Variants in FGD5 observed in about 807,000 individuals in gnomAD.
FGD5 encodes the protein FYVE, RhoGEF and PH domain containing 5.
A neutral mutation model predicts 133.4 loss-of-function variants in FGD5; 28 were observed. The ratio of observed to expected loss-of-function variants is 0.21; its 90% CI spans 0.16 to 0.29. The LOEUF is 0.29. Among genes scored for constraint, FGD5 ranks in the 10% least tolerant of loss-of-function variants. The pLI is 1.00. For missense variants in FGD5, 1,858 were observed against 1,895.2 expected, an observed-to-expected ratio of 0.98 and a Z score of 0.36; for synonymous variants, 810 against 776.5, an observed-to-expected ratio of 1.04 and a Z score of -0.72.
chr3:14,922,976 G>T lies in FGD5; in HGVS notation c.3808-70G>T, dbSNP rs377086261. On this transcript the variant is annotated intron_variant, in intron 15 of 19. Coordinates refer to ENST00000285046, the MANE Select transcript of FGD5 (RefSeq NM_152536.4). The surrounding 1 kb of genome is among the most constrained non-coding windows in gnomAD (Gnocchi z 4.1). The stretch of plus-strand genomic sequence containing the variant: ...TTGTGGGTGGATTAGCAGAGGGAGC[G>T]GAGGGGAGGGGTGCAGGTCTCCTTT... 10 of 1,603,252 alleles carry T rather than the reference G, an allele frequency of 6.2e-6. No homozygotes were observed. The highest frequency in any genetic ancestry group is 7.7e-6 in the Non-Finnish European group (9 of 1,172,590).
At chr3:14,848,511 C>G (rs1348979112) in intron 1 of FGD5, among the ~76,000 whole-genome samples, 2 of 152,072 alleles carry the variant, frequency 1.3e-5, no homozygotes, top group Non-Finnish European at 2.9e-5. Context: ...AAGGCCAGGC[C>G]AGCCCCATGC....
upstream of FGD5, chr3:14,810,777 G>A: frequency 1.0e-6 from 1 of 981,118 alleles, no homozygotes; most frequent in Non-Finnish European, 1.2e-6. Flanking sequence ...CGCGGAGGGA[G>A]GCGGTGTGCG....
At chr3:14,857,254 A>T (rs911716414) in intron 1 of FGD5, among the ~76,000 whole-genome samples, 12 of 151,866 alleles carry the variant, frequency 7.9e-5, no homozygotes, top group African/African-American at 2.9e-4. Context: ...AGGCTCAAGC[A>T]ATTCTCCTGC....
intron 1 of FGD5, among the ~76,000 whole-genome samples, chr3:14,839,788 C>T (rs1559475253): frequency 6.6e-6 from 1 of 152,092 alleles, no homozygotes; most frequent in Non-Finnish European, 1.5e-5. Flanking sequence ...AAAAAATTAG[C>T]TGGGCGTGGT....
Position 14,821,382 on chromosome 3 carries a change from A to C in FGD5, c.2311A>C (p.Thr771Pro), listed in dbSNP as rs758102680. Residue 771 changes from threonine (T) to proline (P), a missense_variant, in exon 1 of 20, where the codon ACT (threonine) becomes CCT (proline). By Grantham distance (38) the Thr-to-Pro change is conservative (BLOSUM62 -1). Around this residue, in one of 3 missense-constraint regions of FGD5, gnomAD observed 1,824 missense variants for 1,848.9 expected, o/e 0.99. Transcript: ENST00000285046. ...GTCCATCTCCTTCCCCAGCGCTGAC[A>C]CTTCAGACTATGAGAACATTCCAGC... ...PRSISFPSAD[T>P]SDYENIPAMN... The C allele has an allele frequency of 6.2e-7, 1 of 1,613,892 alleles. No individual in the cohort carries two copies. The highest frequency in any genetic ancestry group is 1.1e-5 in the South Asian group (1 of 91,076).
At chr3:14,906,663 C>T (rs1387091915) in intron 9 of FGD5, among the ~76,000 whole-genome samples, 2 of 152,250 alleles carry the variant, frequency 1.3e-5, no homozygotes, top group Non-Finnish European at 2.9e-5. Flanking sequence ...TAAACTGGCA[C>T]CAGCCCACAC....
intron 10 of FGD5, among the ~76,000 whole-genome samples, chr3:14,908,750 G>T (rs1030892206): frequency 2.0e-5 from 3 of 151,028 alleles, no homozygotes; most frequent in African/African-American, 7.3e-5. Context: ...GCCAGATGTG[G>T]TGGCCTGTAG....
chr3:14,835,155 T>A (rs1197751571), intron 1 of FGD5, among the ~76,000 whole-genome samples: 1 of 152,090 alleles, frequency 6.6e-6, no homozygotes, highest in African/African-American at 2.4e-5. Context: ...TCACAGTGGG[T>A]GTGCACAGAG....
chr3:14,899,611 ATTG>A (rs2038198812), intron 7 of FGD5, among the ~76,000 whole-genome samples: 1 of 152,254 alleles, frequency 6.6e-6, no homozygotes, highest in East Asian at 1.9e-4. Flanking sequence ...AGAACTATTT[ATTG>A]AGCACCTACT....
chr3:14,848,056 A>G (rs2037084857), intron 1 of FGD5, among the ~76,000 whole-genome samples: 2 of 152,276 alleles, frequency 1.3e-5, no homozygotes. Flanking sequence ...TGTGGCCCCA[A>G]CACTGCCAGG....
intron 4 of FGD5, among the ~76,000 whole-genome samples, chr3:14,892,312 C>A (rs2038045289): frequency 1.3e-5 from 2 of 152,098 alleles, no homozygotes; most frequent in South Asian, 2.1e-4. Context: ...AATGATCCTC[C>A]CACCTCAGTG....
chr3:14,899,018 C>T (rs1023365159), intron 7 of FGD5, among the ~76,000 whole-genome samples, 192 bp downstream of exon 7: 6 of 152,220 alleles, frequency 3.9e-5, no homozygotes, highest in East Asian at 1.9e-4. Flanking sequence ...CACCTTAGAA[C>T]GCTCCCTCCA....
intron 2 of FGD5, among the ~76,000 whole-genome samples, chr3:14,870,345 A>G (rs1288845388): frequency 1.3e-5 from 2 of 152,166 alleles, no homozygotes; most frequent in Non-Finnish European, 2.9e-5. Context: ...GGCCATGGCC[A>G]TATTGAAGCC....
chr3:14,848,103 A>G (rs2037086149), intron 1 of FGD5, among the ~76,000 whole-genome samples: 1 of 152,188 alleles, frequency 6.6e-6, no homozygotes, highest in Non-Finnish European at 1.5e-5. Context: ...TTTACAGGAA[A>G]TGCAGGACAA....
At chr3:14,879,918 G>A (rs1370969717) in intron 2 of FGD5, among the ~76,000 whole-genome samples, 1 of 152,198 alleles carries the variant, frequency 6.6e-6, no homozygotes, top group African/African-American at 2.4e-5. Context: ...GGGAACCACA[G>A]GTTGCTCAAG....
Position 14,880,516 on chromosome 3 carries a change from C to T in FGD5, c.2659-56C>T, listed in dbSNP as rs569008986. 5 of 1,565,568 alleles carry T rather than the reference C, an allele frequency of 3.2e-6. No individual in the cohort carries two copies. The South Asian group carries it at 5.7e-5, about 18-fold the overall frequency. On this transcript the variant is annotated intron_variant, in intron 2 of 19. Transcript: ENST00000285046. Reference sequence around the variant, plus strand: ...AACTTGCCTCCAGCAGCATGGTGGCCTCCTCTAGAAACCACTGATGCCTGT... The same window carrying T: ...AACTTGCCTCCAGCAGCATGGTGGCTTCCTCTAGAAACCACTGATGCCTGT...
intron 4 of FGD5, among the ~76,000 whole-genome samples, chr3:14,892,662 A>G (rs1277377096): frequency 6.6e-6 from 1 of 152,178 alleles, no homozygotes; most frequent in African/African-American, 2.4e-5. Context: ...TACTAAAAAT[A>G]CAAAAATTTA....
chr3:14,853,073 C>T (rs561775492), intron 1 of FGD5, among the ~76,000 whole-genome samples: 1 of 151,944 alleles, frequency 6.6e-6, no homozygotes, highest in South Asian at 2.1e-4. Flanking sequence ...TCCAGGACCC[C>T]CAGTCCTCTT....
Position 14,819,051 on chromosome 3 carries a change from A to G in FGD5, c.-21A>G. ...ATTCCCTTCCTCAGCCAGGCCCGAGAGTCTTCACAGTCCAAACTCCATGTT... is the reference window on the plus strand; with the variant it reads ...ATTCCCTTCCTCAGCCAGGCCCGAGGGTCTTCACAGTCCAAACTCCATGTT... On this transcript the variant is annotated 5_prime_UTR_variant, in exon 1 of 20. Transcript: ENST00000285046. This position sits in a 1 kb window ranked among gnomAD's most constrained non-coding sequence, Gnocchi z 4.1. The G allele has an allele frequency of 6.5e-7, 1 of 1,527,610 alleles. No individual in the cohort carries two copies. Among genetic ancestry groups the G allele is most frequent in the African/African-American group, 1.4e-5 (1 of 71,996 alleles). The allele number at this position is 1,527,610 out of a possible 1,614,324, so 94.6% of individuals were successfully genotyped here.
Sources: allele counts gnomAD v4.1 joint callset (sites outside exome capture counted in the v4.1 genomes callset), GRCh38; gene constraint gnomAD v4.1.1; regional missense constraint gnomAD v4.1.1; non-coding constraint Gnocchi (gnomAD v3.1); transcripts MANE v1.5; gene names NCBI Gene and HGNC (gene_info 2026-07-23, HGNC 2026-07-21).